EDIL3: variants seen among roughly 807,000 people sequenced by gnomAD.
EDIL3 encodes EGF-like repeat and discoidin I-like domain-containing protein 3.
In EDIL3, 37 loss-of-function variants were observed where a neutral mutation model predicts 67.4. The ratio of observed to expected loss-of-function variants is 0.55; its 90% CI spans 0.42 to 0.72. The LOEUF is 0.72. EDIL3 is among the 30% of genes least tolerant of loss of function. EDIL3 has a pLI of 0.00. For missense variants in EDIL3, 527 were observed against 586.3 expected (o/e 0.90, Z 1.04); for synonymous variants, 195 against 196.3 (o/e 0.99, Z 0.05).
chr5:84,060,185 A>T lies in EDIL3; in HGVS notation c.1137+115T>A, dbSNP rs1338274294. The T allele has an allele frequency of 4.5e-5, 56 of 1,245,978 alleles. No individual in the cohort carries two copies. The East Asian group carries it at 1.3e-3, about 29-fold the overall frequency. The allele number at this position is 1,245,978 out of a possible 1,614,324, so 77.2% of individuals were successfully genotyped here. On this transcript the variant is annotated intron_variant, in intron 9 of 10. Coordinates refer to ENST00000296591, the MANE Select transcript of EDIL3 (RefSeq NM_005711.5). Reference sequence around the variant, plus strand: ...TTTTACCAATTTAGTTAAACCGAAGATGAAGGCACATTTAAATTAGCGTGA... The same window carrying T: ...TTTTACCAATTTAGTTAAACCGAAGTTGAAGGCACATTTAAATTAGCGTGA...
chr5:84,166,026 C>T (rs546809946), intron 4 of EDIL3, among the ~76,000 whole-genome samples: 2 of 152,214 alleles, frequency 1.3e-5, no homozygotes, highest in South Asian at 2.1e-4. Context: ...CCTTTGCATA[C>T]TAAACTCTCC....
chr5:84,299,368 TTA>T (rs1413792851), intron 1 of EDIL3, among the ~76,000 whole-genome samples: 4 of 152,208 alleles, frequency 2.6e-5, no homozygotes. Flanking sequence ...GCAACATGCA[TTA>T]TTACTTGAAG....
intron 2 of EDIL3, among the ~76,000 whole-genome samples, chr5:84,249,403 CTAT>C (rs1744977106): frequency 6.6e-6 from 1 of 151,564 alleles, no homozygotes; most frequent in Non-Finnish European, 1.5e-5. Context: ...ATCTATCTAT[CTAT>C]CTATCTATCT....
At chr5:84,055,940 C>T (rs138128348) in intron 9 of EDIL3, among the ~76,000 whole-genome samples, 17,958 of 152,090 alleles carry the variant, frequency 0.12, 1,660 homozygotes, top group African/African-American at 0.25. Flanking sequence ...TATCATTTGA[C>T]CCAGCCATCC....
chr5:84,326,837 A>G (rs768059960), intron 1 of EDIL3, among the ~76,000 whole-genome samples: 23 of 151,886 alleles, frequency 1.5e-4, no homozygotes, highest in Non-Finnish European at 2.8e-4. Context: ...AGAAAATACA[A>G]TTAGATATAT....
At chr5:84,101,735 A>G (rs1023825981) in intron 6 of EDIL3, among the ~76,000 whole-genome samples, 1 of 152,064 alleles carries the variant, frequency 6.6e-6, no homozygotes, top group Admixed American at 6.6e-5. Flanking sequence ...GAATTCTACC[A>G]GATATACAAA....
chr5:84,018,977 G>A (rs1180766097), intron 9 of EDIL3, among the ~76,000 whole-genome samples: 3 of 152,204 alleles, frequency 2.0e-5, no homozygotes, highest in African/African-American at 7.2e-5. Context: ...CACTGTGGAA[G>A]TCGGTGTGGC....
chr5:84,036,074 GATAGTGTAACAAAATCATTGA>G (rs1288827261), intron 9 of EDIL3, among the ~76,000 whole-genome samples: 2 of 152,258 alleles, frequency 1.3e-5, no homozygotes, highest in East Asian at 3.9e-4. Flanking sequence ...AATCTCATAG[GATAGTGTAACAAAATCATTGA>G]AATCAGAACC....
intron 9 of EDIL3, among the ~76,000 whole-genome samples, chr5:83,996,043 C>G (rs1025295529): frequency 6.6e-6 from 1 of 152,036 alleles, no homozygotes; most frequent in Non-Finnish European, 1.5e-5. Flanking sequence ...TTAATGATCC[C>G]TGGTAAATCG....
intron 4 of EDIL3, among the ~76,000 whole-genome samples, chr5:84,142,486 G>T (rs1166042807): frequency 6.6e-6 from 1 of 151,772 alleles, no homozygotes; most frequent in Non-Finnish European, 1.5e-5. Flanking sequence ...TTCACTTCTG[G>T]GACATCATTA....
intron 1 of EDIL3, among the ~76,000 whole-genome samples, chr5:84,376,878 G>A (rs557281836): frequency 5.0e-4 from 76 of 152,276 alleles, no homozygotes; most frequent in African/African-American, 1.7e-3. Flanking sequence ...AAAGCACTGC[G>A]AATGGTAATT....
chr5:84,044,862 G>A (rs1235924685), intron 9 of EDIL3, among the ~76,000 whole-genome samples: 3 of 152,130 alleles, frequency 2.0e-5, no homozygotes, highest in Non-Finnish European at 4.4e-5. Context: ...GTGGGCTGCC[G>A]AGAAACAACC....
At chr5:84,237,124 T>G (rs890797695) in intron 2 of EDIL3, among the ~76,000 whole-genome samples, 1 of 152,108 alleles carries the variant, frequency 6.6e-6, no homozygotes, top group South Asian at 2.1e-4. Flanking sequence ...AAGCTGATAC[T>G]CTCAGGCTCC....
intron 9 of EDIL3, among the ~76,000 whole-genome samples, chr5:83,988,576 G>A (rs1745094905): frequency 6.6e-6 from 1 of 151,978 alleles, no homozygotes; most frequent in African/African-American, 2.4e-5. Context: ...TTTATTGCCT[G>A]GGTATTCCTG....
intron 9 of EDIL3, among the ~76,000 whole-genome samples, chr5:84,028,102 T>G (rs944243358): frequency 6.6e-6 from 1 of 152,194 alleles, no homozygotes; most frequent in Non-Finnish European, 1.5e-5. Flanking sequence ...TTGTGAAATG[T>G]AATAATCGGC....
chr5:84,164,925 A>G (rs1475026340), intron 4 of EDIL3, among the ~76,000 whole-genome samples: 1 of 152,124 alleles, frequency 6.6e-6, no homozygotes, highest in Admixed American at 6.6e-5. Context: ...TGGGCCTGGC[A>G]TTATCGATGA....
At chr5:84,217,457 G>A (rs342416) in intron 3 of EDIL3, among the ~76,000 whole-genome samples, 85,967 of 151,862 alleles carry the variant, frequency 0.57, 24,667 homozygotes, top group East Asian at 0.71. Flanking sequence ...ATATTTTGTC[G>A]ATGTGATTAA....
At chr5:84,031,284 A>AT (rs993479932) in intron 9 of EDIL3, among the ~76,000 whole-genome samples, 9 of 152,202 alleles carry the variant, frequency 5.9e-5, no homozygotes, top group Non-Finnish European at 1.3e-4. Context: ...CACTAAGCTG[A>AT]TTTTTTAAAA....
chr5:84,357,106 G>C (rs1293450615), intron 1 of EDIL3, among the ~76,000 whole-genome samples: 1 of 151,490 alleles, frequency 6.6e-6, no homozygotes, highest in Non-Finnish European at 1.5e-5. Flanking sequence ...TGTGTTTTTA[G>C]CAGAGATAAG....
Sources: allele counts gnomAD v4.1 joint callset (sites outside exome capture counted in the v4.1 genomes callset), GRCh38; gene constraint gnomAD v4.1.1; transcripts MANE v1.5; gene names NCBI Gene and HGNC (gene_info 2026-07-23, HGNC 2026-07-21).